Variants in TMEM30A observed in about 807,000 individuals in gnomAD.
The protein encoded by TMEM30A is cell cycle control protein 50A.
In TMEM30A, 24 loss-of-function variants were observed where a neutral mutation model predicts 38.2. The ratio of observed to expected loss-of-function variants is 0.63; its 90% CI spans 0.46 to 0.88. The LOEUF (loss-of-function observed/expected upper bound fraction) is 0.88. TMEM30A is among the 40% of genes least tolerant of loss of function. The pLI is 0.00. For missense variants in TMEM30A, 370 were observed against 458.6 expected (o/e 0.81, Z 1.77); for synonymous variants, 145 against 161.6 (o/e 0.90, Z 0.78).
In TMEM30A at chr6:75,259,499, A is replaced by G. The variant is rs376577824; in HGVS notation, c.542-9T>C. ...AAACAATTCTAATGTATCTAAACACAAGCAAAGAAAGACATTACTAACTAT... is the reference window on the plus strand; with the variant it reads ...AAACAATTCTAATGTATCTAAACACGAGCAAAGAAAGACATTACTAACTAT... On this transcript the variant is annotated splice_polypyrimidine_tract_variant and intron_variant, in intron 4 of 6. Coordinates refer to ENST00000230461, the MANE Select transcript of TMEM30A (RefSeq NM_018247.4). 2.5e-6 allele frequency: 4 copies of G among 1,584,624 alleles called. No individual in the cohort carries two copies. The highest frequency in any genetic ancestry group is 1.4e-5 in the African/African-American group (1 of 73,370).
chr6:75,257,958 T>C (rs1771890897), intron 6 of TMEM30A, among the ~76,000 whole-genome samples: 1 of 152,168 alleles, frequency 6.6e-6, no homozygotes, highest in African/African-American at 2.4e-5. Context: ...TTGGTTAGAA[T>C]AAAAGAAATT....
intron 6 of TMEM30A, among the ~76,000 whole-genome samples, chr6:75,257,810 C>T (rs548020969): frequency 6.6e-6 from 1 of 152,220 alleles, no homozygotes; most frequent in African/African-American, 2.4e-5. Context: ...AAACCAAAAC[C>T]CATATGGATT....
At chr6:75,274,144 TC>T (rs1191091108) in intron 1 of TMEM30A, among the ~76,000 whole-genome samples, 2 of 152,212 alleles carry the variant, frequency 1.3e-5, no homozygotes, top group African/African-American at 2.4e-5. Context: ...AGGAAGACTT[TC>T]CATGTTAATA....
rs144235889 is a variant in TMEM30A, at chr6:75,274,614, G to A, written c.238-6866C>T. On this transcript the variant is annotated intron_variant, in intron 1 of 6. Coordinates refer to ENST00000230461, the MANE Select transcript of TMEM30A (RefSeq NM_018247.4). Reference sequence around the variant, plus strand: ...CTACAGAACTTAGTGCCTAGAGATGGGATGAGGGCAAATACACTTAGGTTG... The same window carrying A: ...CTACAGAACTTAGTGCCTAGAGATGAGATGAGGGCAAATACACTTAGGTTG... Among the ~76,000 whole-genome samples, 8 of 152,298 alleles carry A rather than the reference G, an allele frequency of 5.3e-5. No individual in the cohort carries two copies. In the East Asian group the frequency reaches 1.4e-3, roughly 26 times the overall value.
At chr6:75,282,682 T>C (rs1772379016) in intron 1 of TMEM30A, among the ~76,000 whole-genome samples, 1 of 152,220 alleles carries the variant, frequency 6.6e-6, no homozygotes, top group Non-Finnish European at 1.5e-5. Flanking sequence ...TAGTTTACTG[T>C]CAAATCTCAA....
rs77411428 is a variant in TMEM30A, at chr6:75,283,653, T to TA, written c.237+748dup. Among the ~76,000 whole-genome samples, 1,176 of 135,344 alleles carry TA rather than the reference T, an allele frequency of 8.7e-3. 9 individuals carry two copies. The highest frequency in any genetic ancestry group is 0.011 in the Non-Finnish European group (698 of 62,102). 88.8% of individuals were successfully genotyped at this position (135,344 alleles called of 152,430 possible). A position where few individuals can be genotyped will look rare whatever the true frequency, so the allele number is the denominator to read the frequency against. ...TGAGTGTGGTCACTGGCTCTTTTTG[T>TA]AAAAAAAAAAAACAAAACAAAACAA... On this transcript the variant is annotated intron_variant, in intron 1 of 6. Transcript: ENST00000230461.
chr6:75,275,437 T>G (rs1356815672), intron 1 of TMEM30A, among the ~76,000 whole-genome samples: 1 of 152,148 alleles, frequency 6.6e-6, no homozygotes, highest in Non-Finnish European at 1.5e-5. Context: ...TCCTAACAAG[T>G]CAAATATTGA....
At chr6:75,256,328 T>G in intron 6 of TMEM30A, 33 bp from the exon 7 acceptor site, 1 of 1,547,276 alleles carries the variant, frequency 6.5e-7, no homozygotes, top group Non-Finnish European at 8.8e-7. Context: ...TTTCCATCTC[T>G]GGTTACTTGA....
intron 1 of TMEM30A, among the ~76,000 whole-genome samples, chr6:75,280,397 T>C (rs1420326666): frequency 6.6e-6 from 1 of 152,190 alleles, no homozygotes; most frequent in African/African-American, 2.4e-5. Flanking sequence ...ATTAGGTATG[T>C]AGGTTCTTAT....
intron 3 of TMEM30A, among the ~76,000 whole-genome samples, chr6:75,262,660 A>AAAC (rs1174833505): frequency 6.6e-6 from 1 of 152,086 alleles, no homozygotes; most frequent in African/African-American, 2.4e-5. Flanking sequence ...AAAAAACAAC[A>AAAC]AACAACAACA....
chr6:75,256,786 A>G (rs1279724505), intron 6 of TMEM30A: 1 of 479,870 alleles, frequency 2.1e-6, no homozygotes, highest in African/African-American at 2.0e-5. Context: ...TGGTAATAAA[A>G]AAGTTTTAAC....
At chr6:75,262,583 A>C (rs1289489353) in intron 3 of TMEM30A, among the ~76,000 whole-genome samples, 1 of 151,856 alleles carries the variant, frequency 6.6e-6, no homozygotes. Context: ...CAGAAGTTGC[A>C]GTGAGCCGAG....
chr6:75,277,552 T>C (rs1772283034), intron 1 of TMEM30A, among the ~76,000 whole-genome samples: 2 of 152,166 alleles, frequency 1.3e-5, no homozygotes, highest in Admixed American at 1.3e-4. Context: ...TACAGTGAGC[T>C]ATGAACATTG....
Position 75,278,600 on chromosome 6 carries a change from TC to T in TMEM30A, c.237+5801del, listed in dbSNP as rs375960771. On this transcript the variant is annotated intron_variant, in intron 1 of 6. Transcript: ENST00000230461. ...AATGGCTGGGCAGTAAATGATTAGA[TC>T]AAGTGAAGACTCAGTAAAACAGAAC... Among the ~76,000 whole-genome samples, 260 of 152,210 alleles carry T rather than the reference TC, an allele frequency of 1.7e-3. 1 individual carries two copies. The highest frequency in any genetic ancestry group is 6.0e-3 in the African/African-American group (250 of 41,516).
intron 1 of TMEM30A, among the ~76,000 whole-genome samples, chr6:75,275,063 G>A (rs1772238973): frequency 6.6e-6 from 1 of 151,096 alleles, no homozygotes; most frequent in South Asian, 2.1e-4. Flanking sequence ...TGAACCATGA[G>A]CAACAACATT....
chr6:75,262,449 C>G (rs1444217696), intron 3 of TMEM30A, among the ~76,000 whole-genome samples: 1 of 152,012 alleles, frequency 6.6e-6, no homozygotes, highest in African/African-American at 2.4e-5. Flanking sequence ...TCAAGACCAG[C>G]CTGCCTAAGA....
chr6:75,277,305 CAAAAAAAAAA>C lies in TMEM30A; in HGVS notation c.237+7087_237+7096del, dbSNP rs60419282. Among the ~76,000 whole-genome samples, 4 of 91,722 alleles carry C rather than the reference CAAAAAAAAAA, an allele frequency of 4.4e-5. No homozygotes were observed. In the Admixed American group the frequency reaches 4.5e-4, roughly 10 times the overall value. 60.2% of individuals were successfully genotyped at this position (91,722 alleles called of 152,430 possible). A position where few individuals can be genotyped will look rare whatever the true frequency, so the allele number is the denominator to read the frequency against. ...TAATCTCAGATTCAATGTCCTCATC[CAAAAAAAAAA>C]AAAAAAAAAAAATGGAGAGAATAAT... is the stretch of plus-strand genomic sequence containing the variant. On this transcript the variant is annotated intron_variant, in intron 1 of 6. Transcript: ENST00000230461.
chr6:75,272,803 A>T (rs1012645708), intron 1 of TMEM30A: 1 of 152,216 alleles, frequency 6.6e-6, no homozygotes, highest in African/African-American at 2.4e-5. Flanking sequence ...GGAACTGTCC[A>T]TTGTGAGTTT....
chr6:75,274,601 G>C (rs531563680), intron 1 of TMEM30A, among the ~76,000 whole-genome samples: 5 of 152,312 alleles, frequency 3.3e-5, no homozygotes, highest in African/African-American at 1.2e-4. Context: ...ACAGAACTTA[G>C]TGCCTAGAGA....
Sources: gnomAD v4.1 joint callset for allele counts (sites outside exome capture counted in the v4.1 genomes callset) on GRCh38, gnomAD v4.1.1 for gene constraint, MANE v1.5 for transcripts, NCBI Gene and HGNC (gene_info 2026-07-23, HGNC 2026-07-21) for gene names.